MOB1B: variants seen among roughly 807,000 people sequenced by gnomAD.
The protein encoded by MOB1B is MOB kinase activator 1B, also known as MOB1 Mps One Binder homolog B.
In MOB1B, 19 loss-of-function variants were observed where a neutral mutation model predicts 24.4. That is an observed-to-expected ratio of 0.78 (90% CI 0.54 to 1.14). The LOEUF is 1.14. MOB1B is among the 50% of genes most tolerant of loss of function. The pLI, the probability that MOB1B is intolerant of heterozygous loss-of-function variation, is 0.00. For missense variants in MOB1B, 243 were observed against 259.6 expected (o/e 0.94, Z 0.44); for synonymous variants, 76 against 82.1 (o/e 0.93, Z 0.40).
At chr4:70,926,356 G>C (rs144159689) in intron 1 of MOB1B, among the ~76,000 whole-genome samples, 103 of 151,702 alleles carry the variant, frequency 6.8e-4, no homozygotes, top group African/African-American at 2.4e-3. Flanking sequence ...TCTTTGGTCT[G>C]TCACTAGCTA....
At chr4:70,955,464 C>CA (rs1738000830) in intron 1 of MOB1B, among the ~76,000 whole-genome samples, 1 of 89,332 alleles carries the variant, frequency 1.1e-5, no homozygotes, top group African/African-American at 4.6e-5. Flanking sequence ...AGTATGTGTC[C>CA]TTTTTTTTTT....
chr4:70,934,950 G>T (rs978287912), intron 1 of MOB1B, among the ~76,000 whole-genome samples: 2 of 151,510 alleles, frequency 1.3e-5, no homozygotes, highest in Non-Finnish European at 2.9e-5. Flanking sequence ...ATTATTATAT[G>T]TATATTTTTA....
At chr4:70,953,139 A>G (rs1003576958) in intron 1 of MOB1B, among the ~76,000 whole-genome samples, 1 of 151,694 alleles carries the variant, frequency 6.6e-6, no homozygotes, top group Non-Finnish European at 1.5e-5. Flanking sequence ...GGGTTTCACC[A>G]TGTTGGCCAG....
intron 1 of MOB1B, among the ~76,000 whole-genome samples, chr4:70,939,290 A>G (rs147504102): frequency 6.6e-6 from 1 of 152,348 alleles, no homozygotes; most frequent in East Asian, 1.9e-4. Context: ...AGTTTTTTAA[A>G]TCATAATCTC....
chr4:70,973,785 A>G (rs948130155), intron 3 of MOB1B, among the ~76,000 whole-genome samples: 1 of 152,188 alleles, frequency 6.6e-6, no homozygotes, highest in African/African-American at 2.4e-5. Flanking sequence ...TTTTGGCAGT[A>G]AGGTTGTCTA....
intron 1 of MOB1B, among the ~76,000 whole-genome samples, chr4:70,906,407 T>G (rs1391864486): frequency 6.6e-6 from 1 of 152,074 alleles, no homozygotes; most frequent in African/African-American, 2.4e-5. Context: ...TGCCTGGCAC[T>G]GATGTGGATG....
intron 1 of MOB1B, among the ~76,000 whole-genome samples, chr4:70,931,600 A>G (rs1736892094): frequency 6.6e-6 from 1 of 152,140 alleles, no homozygotes. Context: ...CTTTGTTTTT[A>G]GATGAAATAT....
chr4:70,986,998 C>T lies in MOB1B; in HGVS notation c.*4941C>T, dbSNP rs538189062. 3.2e-4 allele frequency: 49 copies of T among 152,180 alleles called. No individual in the cohort carries two copies. Among genetic ancestry groups the T allele is most frequent in the African/African-American group, 1.2e-3 (48 of 41,556 alleles). 9.4% of individuals were successfully genotyped at this position (152,180 alleles called of 1,614,324 possible). ...GTAATAACTTTTTCTGCATATAGAA[C>T]TAAATAATTGAAAAATATGGGCTAT... On this transcript the variant is annotated 3_prime_UTR_variant, in exon 6 of 6. Transcript: ENST00000309395.
intron 2 of MOB1B, among the ~76,000 whole-genome samples, chr4:70,961,358 G>A (rs1164536716): frequency 6.6e-6 from 1 of 152,182 alleles, no homozygotes; most frequent in Admixed American, 6.5e-5. Context: ...CACATCCCAA[G>A]CGGACGGAGT....
intron 1 of MOB1B, among the ~76,000 whole-genome samples, chr4:70,906,103 C>T (rs1279944487): frequency 6.6e-6 from 1 of 150,984 alleles, no homozygotes; most frequent in Non-Finnish European, 1.5e-5. Context: ...GGTCGCGGGG[C>T]ATAATGGCTC....
At position 70,946,937 on chromosome 4, in the gene MOB1B, T is replaced by C. The variant is rs752131259; in HGVS notation, c.15-11937T>C. ...TGAGTTTGGGGTTCCAAGATTATATTTTTCTTTCACATTATATTGAGCGTT... is the reference window on the plus strand; with the variant it reads ...TGAGTTTGGGGTTCCAAGATTATATCTTTCTTTCACATTATATTGAGCGTT... On this transcript the variant is annotated intron_variant, in intron 1 of 5. Transcript: ENST00000309395. Among the ~76,000 whole-genome samples, 47 of 152,272 alleles carry C rather than the reference T, an allele frequency of 3.1e-4. 1 individual carries two copies. The highest frequency in any genetic ancestry group is 6.8e-3 in the Middle Eastern group (2 of 294).
chr4:70,911,061 C>T (rs572095129), intron 1 of MOB1B, among the ~76,000 whole-genome samples: 1 of 152,330 alleles, frequency 6.6e-6, no homozygotes, highest in African/African-American at 2.4e-5. Flanking sequence ...GCTGGGATTA[C>T]AGGCGTGAGC....
At chr4:70,941,918 G>A (rs977067890) in intron 1 of MOB1B, among the ~76,000 whole-genome samples, 1 of 152,020 alleles carries the variant, frequency 6.6e-6, no homozygotes, top group Admixed American at 6.6e-5. Context: ...TAAGAATTTT[G>A]TTTCTAAATT....
intron 1 of MOB1B, among the ~76,000 whole-genome samples, chr4:70,930,646 A>G (rs1480671257): frequency 6.6e-6 from 1 of 152,232 alleles, no homozygotes; most frequent in Non-Finnish European, 1.5e-5. Context: ...GCATGATTGT[A>G]TGTGTGAAAC....
chr4:70,978,094 C>T (rs1008742660), intron 4 of MOB1B, among the ~76,000 whole-genome samples: 5 of 152,154 alleles, frequency 3.3e-5, no homozygotes, highest in Admixed American at 6.6e-5. Context: ...CACTTAGCTC[C>T]ACCACTCCCC....
Position 70,969,923 on chromosome 4 carries a change from C to T in MOB1B, c.182-8C>T. ...CTGTTTTACTTACAACTGATACTTG[C>T]TTTACAGCTGTGGATTTCTTCAATC... On this transcript the variant is annotated splice_polypyrimidine_tract_variant and splice_region_variant and intron_variant, in intron 2 of 5. Coordinates refer to ENST00000309395, the MANE Select transcript of MOB1B (RefSeq NM_173468.4). The T allele has an allele frequency of 6.5e-7, 1 of 1,535,506 alleles. No homozygotes were observed. The highest frequency in any genetic ancestry group is 9.0e-7 in the Non-Finnish European group (1 of 1,115,616).
At chr4:70,973,191 A>T (rs1324803413) in intron 3 of MOB1B, among the ~76,000 whole-genome samples, 2 of 152,176 alleles carry the variant, frequency 1.3e-5, no homozygotes, top group Admixed American at 1.3e-4. Flanking sequence ...TTTTACATTT[A>T]AATATGAATG....
chr4:70,929,795 G>C (rs1392593715), intron 1 of MOB1B, among the ~76,000 whole-genome samples: 2 of 152,012 alleles, frequency 1.3e-5, no homozygotes, highest in African/African-American at 4.8e-5. Flanking sequence ...ACAGGCACCC[G>C]CCACTGCGCC....
intron 5 of MOB1B, among the ~76,000 whole-genome samples, chr4:70,980,882 C>T (rs1179024088): frequency 2.0e-5 from 3 of 152,138 alleles, no homozygotes; most frequent in East Asian, 1.9e-4. Context: ...AAAGTGTCCA[C>T]ACTCGTATGT....
Sources: gnomAD v4.1 joint callset for allele counts (sites outside exome capture counted in the v4.1 genomes callset) on GRCh38, gnomAD v4.1.1 for gene constraint, MANE v1.5 for transcripts, NCBI Gene and HGNC (gene_info 2026-07-23, HGNC 2026-07-21) for gene names.